SPPL2A: variants seen among roughly 807,000 people sequenced by gnomAD.
SPPL2A encodes the protein signal peptide peptidase-like 2A.
Under a neutral mutation model 63.8 loss-of-function variants are expected in SPPL2A, and 51 were observed. The ratio of observed to expected loss-of-function variants is 0.80; its 90% CI spans 0.64 to 1.01. The LOEUF is 1.01. SPPL2A is among the 50% of genes least tolerant of loss of function. SPPL2A has a pLI of 0.00. For missense variants in SPPL2A, 553 were observed against 622.7 expected, an observed-to-expected ratio of 0.89 and a Z score of 1.19; for synonymous variants, 188 against 205.8, an observed-to-expected ratio of 0.91 and a Z score of 0.74.
intron 14 of SPPL2A, among the ~76,000 whole-genome samples, chr15:50,708,650 G>A (rs1441728503): frequency 7.3e-5 from 11 of 149,690 alleles, no homozygotes; most frequent in Non-Finnish European, 1.5e-5. Context: ...AGGTTGCAGT[G>A]AGCCGAGATC....
intron 6 of SPPL2A, 150 bp from the exon 7 acceptor site, chr15:50,736,890 G>T: frequency 2.1e-6 from 1 of 485,430 alleles, no homozygotes; most frequent in South Asian, 2.9e-5. Context: ...TTACTAAGCT[G>T]AAATTTAGAT....
At chr15:50,733,581 A>G (rs959640351) in intron 8 of SPPL2A, among the ~76,000 whole-genome samples, 6 of 152,176 alleles carry the variant, frequency 3.9e-5, no homozygotes, top group Non-Finnish European at 1.5e-5. Context: ...AACATTGGGG[A>G]AATGCTCCAG....
intron 1 of SPPL2A, among the ~76,000 whole-genome samples, chr15:50,759,759 A>G (rs982408104): frequency 3.3e-5 from 5 of 152,024 alleles, no homozygotes; most frequent in Admixed American, 6.6e-5. Flanking sequence ...AAAAAAAGAA[A>G]GAAAAGAAAA....
intron 13 of SPPL2A, among the ~76,000 whole-genome samples, chr15:50,721,073 A>C (rs1337009695): frequency 1.3e-5 from 2 of 150,118 alleles, no homozygotes; most frequent in Non-Finnish European, 3.0e-5. Flanking sequence ...AGCCTCGCTC[A>C]GTTGCCCAGG....
intron 5 of SPPL2A, chr15:50,743,059 C>A (rs987815487): frequency 6.6e-5 from 10 of 152,460 alleles, no homozygotes; most frequent in African/African-American, 2.4e-4. Flanking sequence ...ATTGCCTGAG[C>A]TCAGGAGTTC....
chr15:50,731,593 A>G (rs1186543870), intron 9 of SPPL2A, among the ~76,000 whole-genome samples: 1 of 151,858 alleles, frequency 6.6e-6, no homozygotes, highest in African/African-American at 2.4e-5. Context: ...TGGTCATGTT[A>G]AAGATTTTAT....
intron 14 of SPPL2A, among the ~76,000 whole-genome samples, chr15:50,719,633 C>T (rs191057878): frequency 5.3e-4 from 80 of 152,126 alleles, no homozygotes; most frequent in Non-Finnish European, 9.9e-4. Flanking sequence ...TTTTAAACAA[C>T]GAATTTTATC....
Position 50,705,627 on chromosome 15 carries a change from G to A in SPPL2A, c.*2173C>T, listed in dbSNP as rs1269844724. The A allele has an allele frequency of 2.0e-5, 3 of 152,296 alleles. No individual in the cohort carries two copies. Among genetic ancestry groups the A allele is most frequent in the Middle Eastern group, 3.4e-3 (1 of 294 alleles). The allele number at this position is 152,296 out of a possible 1,614,324, so 9.4% of individuals were successfully genotyped here. A position where few individuals can be genotyped will look rare whatever the true frequency, so the allele number is the denominator to read the frequency against. On this transcript the variant is annotated 3_prime_UTR_variant, in exon 15 of 15. Coordinates refer to ENST00000261854, the MANE Select transcript of SPPL2A (RefSeq NM_032802.4). ...TACAATGGAGGCAAAATTAACTCTT[G>A]TCAGGTAAGTCATTTGCCATAAACG...
intron 14 of SPPL2A, among the ~76,000 whole-genome samples, chr15:50,718,494 T>A (rs1032525423): frequency 2.6e-5 from 4 of 152,174 alleles, no homozygotes; most frequent in Admixed American, 2.6e-4. Context: ...ACTTTATTTT[T>A]AAAAATCTAT....
intron 5 of SPPL2A, among the ~76,000 whole-genome samples, chr15:50,741,941 C>G (rs927884782): frequency 5.3e-5 from 8 of 150,818 alleles, no homozygotes; most frequent in Non-Finnish European, 1.0e-4. Context: ...GCACTCCAGC[C>G]TGGGTGACAG....
At chr15:50,748,931 G>T in intron 2 of SPPL2A, 61 bp from the exon 3 acceptor site, 1 of 1,048,054 alleles carries the variant, frequency 9.5e-7, no homozygotes, top group Non-Finnish European at 1.4e-6. Flanking sequence ...AATGCATTCA[G>T]TTATAAATAC....
At chr15:50,736,348 G>A (rs113679336) in intron 7 of SPPL2A, 146 bp from the exon 8 acceptor site, 8 of 622,480 alleles carry the variant, frequency 1.3e-5, no homozygotes, top group African/African-American at 9.2e-5. Context: ...CAAATGAGAC[G>A]TAATAAAATG....
intron 11 of SPPL2A, chr15:50,726,023 A>G: frequency 1.7e-6 from 2 of 1,198,790 alleles, no homozygotes; most frequent in Non-Finnish European, 2.2e-6. Context: ...GTCTTGTCTC[A>G]GAGGGTATGA....
At chr15:50,756,230 G>A (rs1427967770) in intron 1 of SPPL2A, among the ~76,000 whole-genome samples, 2 of 151,606 alleles carry the variant, frequency 1.3e-5, no homozygotes, top group South Asian at 2.1e-4. Context: ...GTGTGGTGGT[G>A]GGCGCCTGTA....
At chr15:50,761,339 G>C (rs905568356) in intron 1 of SPPL2A, among the ~76,000 whole-genome samples, 1 of 152,122 alleles carries the variant, frequency 6.6e-6, no homozygotes, top group East Asian at 1.9e-4. Flanking sequence ...CAGAGCTGCC[G>C]GGCACGGTGG....
chr15:50,728,356 A>G (rs942774999), intron 10 of SPPL2A, among the ~76,000 whole-genome samples: 28 of 152,082 alleles, frequency 1.8e-4, no homozygotes, highest in Non-Finnish European at 2.9e-5. Context: ...ATTTTTATTT[A>G]TTTTTGAGAC....
rs577956639 is a variant in SPPL2A, at chr15:50,753,257, T to G, written c.67-3511A>C. ...CCCCTACAATGTATCTGTGCATTTATATGAGCTTGAGGAAAAATGTGGAGA... is the reference window on the plus strand; with the variant it reads ...CCCCTACAATGTATCTGTGCATTTAGATGAGCTTGAGGAAAAATGTGGAGA... On this transcript the variant is annotated intron_variant, in intron 1 of 14. Coordinates refer to ENST00000261854, the MANE Select transcript of SPPL2A (RefSeq NM_032802.4). 4.6e-5 allele frequency among the ~76,000 whole-genome samples: 7 copies of G among 152,292 alleles called. No homozygotes were observed. The South Asian group carries it at 1.5e-3, about 32-fold the overall frequency.
At chr15:50,731,161 A>T (rs1050608026) in intron 9 of SPPL2A, 122 bp from the exon 10 acceptor site, 1 of 521,078 alleles carries the variant, frequency 1.9e-6, no homozygotes, top group Non-Finnish European at 3.5e-6. Context: ...TTAAAAAGAT[A>T]TCTTATGGTT....
At chr15:50,742,095 G>A (rs2062825793) in intron 5 of SPPL2A, among the ~76,000 whole-genome samples, 1 of 152,010 alleles carries the variant, frequency 6.6e-6, no homozygotes, top group Non-Finnish European at 1.5e-5. Context: ...TATAAAGGCT[G>A]AGGACCAGTG....
Sources: allele counts gnomAD v4.1 joint callset (sites outside exome capture counted in the v4.1 genomes callset), GRCh38; gene constraint gnomAD v4.1.1; transcripts MANE v1.5; gene names NCBI Gene and HGNC (gene_info 2026-07-23, HGNC 2026-07-21).